Variants in GRAMD4 observed in about 807,000 individuals in gnomAD.
The protein encoded by GRAMD4 is GRAM domain-containing protein 4.
GRAMD4 carries 25 observed loss-of-function variants against 83.9 expected under a neutral mutation model. The ratio of observed to expected loss-of-function variants is 0.30; its 90% CI spans 0.22 to 0.42. The LOEUF is 0.42. Ranked by LOEUF, GRAMD4 falls within the 10% of genes least tolerant of loss-of-function variation. GRAMD4 has a pLI of 1.00. For missense variants in GRAMD4, 593 were observed against 788.7 expected (o/e 0.75, Z 2.97); for synonymous variants, 336 against 320.9 (o/e 1.05, Z -0.50).
At chr22:46,628,719 A>G (rs1321352886) in intron 2 of GRAMD4, among the ~76,000 whole-genome samples, 1 of 151,816 alleles carries the variant, frequency 6.6e-6, no homozygotes, top group African/African-American at 2.4e-5. Flanking sequence ...AGCAGGAGGT[A>G]GGGCTGTGGG....
In GRAMD4 at chr22:46,676,682, G is replaced by T. The variant is rs201448903; in HGVS notation, c.1632+14G>T. 12 of 1,546,440 alleles carry T rather than the reference G, an allele frequency of 7.8e-6. No homozygotes were observed. Among genetic ancestry groups the T allele is most frequent in the South Asian group, 1.2e-5 (1 of 83,964 alleles). Reference sequence around the variant, plus strand: ...TCCACCCAGAAAGTAGGTGCCGGGCGGGGGGCCGCCAAGGGGTTGGTGTGG... The same window carrying T: ...TCCACCCAGAAAGTAGGTGCCGGGCTGGGGGCCGCCAAGGGGTTGGTGTGG... On this transcript the variant is annotated intron_variant, in intron 18 of 18. Transcript: ENST00000406902.
At chr22:46,646,485 T>G (rs925158631) in intron 3 of GRAMD4, among the ~76,000 whole-genome samples, 3 of 152,112 alleles carry the variant, frequency 2.0e-5, no homozygotes, top group Non-Finnish European at 2.9e-5. Flanking sequence ...GAAGGGAAGT[T>G]TCTAGGTGGC....
At position 46,628,023 on chromosome 22, in the gene GRAMD4, C is replaced by T. The variant is rs995280476; in HGVS notation, c.162+1062C>T. ...TGGCAGAACGGCAGGGGCCTGCCTTCGCCGGAGAGCTGTGTCTCATCCGCC... is the reference window on the plus strand; with the variant it reads ...TGGCAGAACGGCAGGGGCCTGCCTTTGCCGGAGAGCTGTGTCTCATCCGCC... On this transcript the variant is annotated intron_variant, in intron 2 of 18. Coordinates refer to ENST00000406902, the MANE Select transcript of GRAMD4 (RefSeq NM_015124.5). 3.3e-5 allele frequency among the ~76,000 whole-genome samples: 5 copies of T among 152,326 alleles called. No individual in the cohort carries two copies. The South Asian group carries it at 1.0e-3, about 32-fold the overall frequency.
At chr22:46,580,967 C>CA (rs558020415) in intron 1 of GRAMD4, among the ~76,000 whole-genome samples, 18,380 of 83,250 alleles carry the variant, frequency 0.22, 1,597 homozygotes, top group East Asian at 0.59. Flanking sequence ...AACTCCATCT[C>CA]AAAAAAAAAA....
chr22:46,654,519 G>A (rs1351144763), intron 3 of GRAMD4, among the ~76,000 whole-genome samples: 1 of 152,258 alleles, frequency 6.6e-6, no homozygotes, highest in Non-Finnish European at 1.5e-5. Flanking sequence ...GAGGGCGGGG[G>A]GCTGGGGGCT....
chr22:46,654,822 C>G (rs949702693), intron 3 of GRAMD4, among the ~76,000 whole-genome samples: 1 of 152,224 alleles, frequency 6.6e-6, no homozygotes, highest in East Asian at 1.9e-4. Context: ...GTGGTCCCTC[C>G]TCCGGAACCT....
At chr22:46,606,598 A>G (rs947500132) in intron 1 of GRAMD4, among the ~76,000 whole-genome samples, 1 of 12,122 alleles carries the variant, frequency 8.2e-5, no homozygotes, top group African/African-American at 1.2e-4. Context: ...GCATGGGTTT[A>G]TTGACCGGTG....
chr22:46,640,406 G>A (rs1380310506), intron 3 of GRAMD4, among the ~76,000 whole-genome samples: 9 of 152,104 alleles, frequency 5.9e-5, no homozygotes, highest in Non-Finnish European at 8.8e-5. Context: ...GCTTTGAGAC[G>A]TTGTTGATAA....
chr22:46,618,027 G>C (rs1185704323), upstream of GRAMD4, among the ~76,000 whole-genome samples: 1 of 152,180 alleles, frequency 6.6e-6, no homozygotes, highest in Non-Finnish European at 1.5e-5. The surrounding 1 kb of genome is among the most constrained non-coding windows in gnomAD (Gnocchi z 5.8). Flanking sequence ...CCTTTCTCTT[G>C]AGGCCTCTGG....
chr22:46,678,823 G>A lies in GRAMD4; in HGVS notation c.*1572G>A. 3 of 986,252 alleles carry A rather than the reference G, an allele frequency of 3.0e-6. No individual in the cohort carries two copies. Among genetic ancestry groups the A allele is most frequent in the Non-Finnish European group, 3.6e-6 (3 of 830,110 alleles). 61.1% of individuals were successfully genotyped at this position (986,252 alleles called of 1,614,324 possible). On this transcript the variant is annotated 3_prime_UTR_variant, in exon 19 of 19. Transcript: ENST00000406902. ...GCCGCAGAGTCACACGCTGGTGCCG[G>A]GGGTGCTTTGGGGGGAGCTGCGCCG...
chr22:46,680,145 CAG>C (rs1904835862), downstream of GRAMD4, among the ~76,000 whole-genome samples: 1 of 152,188 alleles, frequency 6.6e-6, no homozygotes, highest in Admixed American at 6.5e-5. Context: ...GCCTTGGGGT[CAG>C]GGGGCATGCA....
intron 2 of GRAMD4, among the ~76,000 whole-genome samples, chr22:46,636,042 G>T (rs900028080): frequency 2.0e-5 from 3 of 152,134 alleles, no homozygotes; most frequent in East Asian, 3.9e-4. Flanking sequence ...TCATGGGGAC[G>T]TTTAGCCCCC....
intron 2 of GRAMD4, among the ~76,000 whole-genome samples, chr22:46,635,449 T>G (rs866184932): frequency 4.4e-5 from 4 of 90,020 alleles, no homozygotes; most frequent in South Asian, 3.6e-4. Flanking sequence ...ACTCCTGTCC[T>G]GGGAGGCCGT....
In GRAMD4 at chr22:46,677,470, C is replaced by T; in HGVS notation, c.*219C>T. On this transcript the variant is annotated 3_prime_UTR_variant, in exon 19 of 19. Coordinates refer to ENST00000406902, the MANE Select transcript of GRAMD4 (RefSeq NM_015124.5). ...GGTGCCCCTCTCCCACAGGGCACGT[C>T]AGGTGCCTCTGAGGGCCACCCGCAG... 1.5e-6 allele frequency: 2 copies of T among 1,316,498 alleles called. No individual in the cohort carries two copies. The highest frequency in any genetic ancestry group is 4.1e-5 in the South Asian group (2 of 48,718). 81.6% of individuals were successfully genotyped at this position (1,316,498 alleles called of 1,614,324 possible).
rs144762090 is a variant in GRAMD4 at position 46,660,804 on chromosome 22, T to C, written c.405-577T>C. On this transcript the variant is annotated intron_variant, in intron 4 of 18. Coordinates refer to ENST00000406902, the MANE Select transcript of GRAMD4 (RefSeq NM_015124.5). ...CCTCCCCACTCCCGCTTCCCAAGAG[T>C]TAGGAAGGTTAGGGGCGACCACACA... Among the ~76,000 whole-genome samples, 97 of 151,950 alleles carry C rather than the reference T, an allele frequency of 6.4e-4. 1 individual carries two copies. The highest frequency in any genetic ancestry group is 1.2e-3 in the Non-Finnish European group (80 of 67,948).
At chr22:46,615,254 T>TGC (rs2081465698) in intron 1 of GRAMD4, among the ~76,000 whole-genome samples, 1 of 12,190 alleles carries the variant, frequency 8.2e-5, no homozygotes, top group African/African-American at 3.1e-4. Flanking sequence ...GGTTCCCCCG[T>TGC]GTGTAGGTTC....
At chr22:46,660,914 C>T (rs1404555084) in intron 4 of GRAMD4, among the ~76,000 whole-genome samples, 3 of 152,178 alleles carry the variant, frequency 2.0e-5, no homozygotes, top group Non-Finnish European at 4.4e-5. Flanking sequence ...CCCTAGTGGC[C>T]GTCTAGTGCC....
At position 46,642,910 on chromosome 22, in the gene GRAMD4, T is replaced by C. The variant is rs567126683; in HGVS notation, c.283+4950T>C. 8.5e-5 allele frequency among the ~76,000 whole-genome samples: 13 copies of C among 152,166 alleles called. No individual in the cohort carries two copies. In the East Asian group the frequency reaches 2.3e-3, roughly 27 times the overall value. On this transcript the variant is annotated intron_variant, in intron 3 of 18. Coordinates refer to ENST00000406902, the MANE Select transcript of GRAMD4 (RefSeq NM_015124.5). The stretch of plus-strand genomic sequence containing the variant: ...ATCTATCTATCCATCCATCCATCTA[T>C]TTATCCATCCAGGGATCCATTCATC...
chr22:46,615,251 C>CTG, intron 1 of GRAMD4, among the ~76,000 whole-genome samples: 1 of 12,296 alleles, frequency 8.1e-5, no homozygotes, highest in African/African-American at 3.1e-4. Context: ...GTAGGTTCCC[C>CTG]CGTGTGTAGG....
Sources: gnomAD v4.1 joint callset for allele counts (sites outside exome capture counted in the v4.1 genomes callset) on GRCh38, gnomAD v4.1.1 for gene constraint, Gnocchi (gnomAD v3.1) non-coding constraint, MANE v1.5 for transcripts, NCBI Gene and HGNC (gene_info 2026-07-23, HGNC 2026-07-21) for gene names.